INSL6: variants seen among roughly 807,000 people sequenced by gnomAD.
The protein encoded by INSL6 is insulin like 6.
A neutral mutation model predicts 9.4 loss-of-function variants in INSL6; 16 were observed. That is an observed-to-expected ratio of 1.70 (90% CI 1.15 to 2.59). The LOEUF (loss-of-function observed/expected upper bound fraction) is 2.59. INSL6 is among the 30% of genes most tolerant of loss of function. INSL6 has a pLI of 0.00. For synonymous variants in INSL6, 154 were observed against 96.9 expected, an observed-to-expected ratio of 1.59 and a Z score of -3.46; for missense variants, 391 against 257.3, an observed-to-expected ratio of 1.52 and a Z score of -3.56.
chr9:5,082,507 C>T, the INSL6 span, among the ~76,000 whole-genome samples: 1 of 152,168 alleles, frequency 6.6e-6, no homozygotes, highest in Non-Finnish European at 1.5e-5. Flanking sequence ...GGTTTTATAC[C>T]GAGGCATTCA....
the INSL6 span, among the ~76,000 whole-genome samples, chr9:5,043,976 C>T: frequency 2.5e-4 from 38 of 152,188 alleles, no homozygotes; most frequent in Non-Finnish European, 4.9e-4. Flanking sequence ...AAAGGTGTTA[C>T]TAAAAGACAA....
chr9:5,137,847 A>G (rs1824415501), intron 2 of INSL6, among the ~76,000 whole-genome samples: 1 of 152,208 alleles, frequency 6.6e-6, no homozygotes, highest in Non-Finnish European at 1.5e-5. Context: ...CATCTGACAA[A>G]GGGCTAATAT....
At chr9:5,033,852 G>C in the INSL6 span, among the ~76,000 whole-genome samples, 19 of 152,036 alleles carry the variant, frequency 1.2e-4, no homozygotes, top group Admixed American at 6.6e-5. Flanking sequence ...AAATAACCAG[G>C]TAACGTCATA....
At chr9:5,029,711 C>T in the INSL6 span, 1 of 1,348,178 alleles carries the variant, frequency 7.4e-7, no homozygotes, top group Non-Finnish European at 1.0e-6. Flanking sequence ...AGCTTCATTT[C>T]AAATTATAGG....
the INSL6 span, among the ~76,000 whole-genome samples, chr9:5,013,308 AG>A: frequency 6.6e-6 from 1 of 152,246 alleles, no homozygotes; most frequent in Non-Finnish European, 1.5e-5. Context: ...AAAGTAGTAT[AG>A]GAATAATTGT....
chr9:5,086,634 T>C, the INSL6 span, among the ~76,000 whole-genome samples: 1 of 152,206 alleles, frequency 6.6e-6, no homozygotes, highest in Non-Finnish European at 1.5e-5. Context: ...AAAGTTATGA[T>C]TATGTTAAAT....
At chr9:5,066,802 C>T in the INSL6 span, 5 of 1,219,206 alleles carry the variant, frequency 4.1e-6, no homozygotes, top group Non-Finnish European at 5.8e-6. Flanking sequence ...TAGTATGTCA[C>T]ACTTATTAGT....
chr9:5,077,643 A>C, the INSL6 span: 2 of 1,065,048 alleles, frequency 1.9e-6, no homozygotes, highest in Admixed American at 3.1e-5. Context: ...TATACAAATT[A>C]TCTTTACCTG....
At chr9:5,148,470 T>G (rs1824645771) in intron 2 of INSL6, among the ~76,000 whole-genome samples, 1 of 152,144 alleles carries the variant, frequency 6.6e-6, no homozygotes, top group South Asian at 2.1e-4. Flanking sequence ...CTCTGATCAC[T>G]GGCACTGTGC....
At chr9:5,175,276 C>T (rs1008750350) in intron 1 of INSL6, among the ~76,000 whole-genome samples, 2 of 152,084 alleles carry the variant, frequency 1.3e-5, no homozygotes, top group Non-Finnish European at 1.5e-5. Context: ...TCATATCTCA[C>T]ATCAAATATG....
At chr9:5,090,659 A>G in the INSL6 span, 1 of 1,515,544 alleles carries the variant, frequency 6.6e-7, no homozygotes, top group Non-Finnish European at 8.9e-7. Flanking sequence ...CATAGATAAT[A>G]AAGGGAATAT....
intron 1 of INSL6, among the ~76,000 whole-genome samples, chr9:5,177,668 G>T (rs1199987141): frequency 6.6e-6 from 1 of 152,196 alleles, no homozygotes; most frequent in Non-Finnish European, 1.5e-5. Flanking sequence ...ACCTGATTTG[G>T]AATTCCAGCC....
At chr9:5,176,336 C>T (rs1392685997) in intron 1 of INSL6, among the ~76,000 whole-genome samples, 2 of 152,162 alleles carry the variant, frequency 1.3e-5, no homozygotes, top group Non-Finnish European at 2.9e-5. Flanking sequence ...CTCTGTTTAT[C>T]TCCCTTATCC....
chr9:5,143,057 T>C (rs907568887), intron 2 of INSL6, among the ~76,000 whole-genome samples: 3 of 152,192 alleles, frequency 2.0e-5, no homozygotes, highest in South Asian at 2.1e-4. Flanking sequence ...TCGATTGTGA[T>C]TGATTAGCTT....
At chr9:5,163,508 G>A (rs1197941580), downstream of INSL6, among the ~76,000 whole-genome samples, 1 of 152,176 alleles carries the variant, frequency 6.6e-6, no homozygotes, top group African/African-American at 2.4e-5. Context: ...TTATTTTTAA[G>A]TTGGTGGGAC....
the INSL6 span, among the ~76,000 whole-genome samples, chr9:5,102,869 T>A: frequency 1.3e-5 from 2 of 152,130 alleles, no homozygotes; most frequent in African/African-American, 4.8e-5. Context: ...TTACCAGGCC[T>A]GCCTTACAAG....
chr9:4,995,081 T>A, the INSL6 span, among the ~76,000 whole-genome samples: 1 of 152,342 alleles, frequency 6.6e-6, no homozygotes, highest in African/African-American at 2.4e-5. Context: ...ACACCTTTAC[T>A]AACATTGTGT....
chr9:5,120,575 G>C (rs1823539969), downstream of INSL6, among the ~76,000 whole-genome samples: 1 of 152,132 alleles, frequency 6.6e-6, no homozygotes, highest in Non-Finnish European at 1.5e-5. Flanking sequence ...TAAAAAATCG[G>C]TGAAACAGGA....
the INSL6 span, among the ~76,000 whole-genome samples, chr9:5,106,372 G>T: frequency 6.6e-6 from 1 of 152,188 alleles, no homozygotes; most frequent in African/African-American, 2.4e-5. Context: ...AGTTAGAATG[G>T]TGATCATTAA....
Sources: allele counts gnomAD v4.1 joint callset (sites outside exome capture counted in the v4.1 genomes callset), GRCh38; gene constraint gnomAD v4.1.1; transcripts MANE v1.5; gene names NCBI Gene and HGNC (gene_info 2026-07-23, HGNC 2026-07-21).